Variants in TBCK observed in about 807,000 individuals in gnomAD.
TBCK encodes TBC domain-containing protein kinase-like protein.
TBCK carries 99 observed loss-of-function variants against 113.4 expected under a neutral mutation model. The ratio of observed to expected loss-of-function variants is 0.87; its 90% CI spans 0.74 to 1.03. The LOEUF is 1.03. TBCK is among the 50% of genes least tolerant of loss of function. TBCK has a pLI of 0.00. For missense variants in TBCK, 1,045 were observed against 1,061.3 expected, an observed-to-expected ratio of 0.98 and a Z score of 0.21; for synonymous variants, 369 against 370.8, an observed-to-expected ratio of 1.00 and a Z score of 0.05.
At chr4:106,238,789 C>T (rs1759753543) in intron 12 of TBCK, 2 of 152,084 alleles carry the variant, frequency 1.3e-5, no homozygotes, top group Admixed American at 1.3e-4. Context: ...CTGGAGGGAC[C>T]CTCGAATACA....
At chr4:106,119,162 A>G (rs1191184935) in intron 23 of TBCK, among the ~76,000 whole-genome samples, 1 of 152,204 alleles carries the variant, frequency 6.6e-6, no homozygotes, top group Admixed American at 6.5e-5. Context: ...AGTATTATAG[A>G]TATTGTGTGT....
chr4:106,214,142 C>A (rs1051480942), intron 19 of TBCK, among the ~76,000 whole-genome samples: 20 of 151,536 alleles, frequency 1.3e-4, no homozygotes. Context: ...CTCCAACAGA[C>A]CTGCAGCTGA....
chr4:106,050,718 G>C (rs1367678288), intron 25 of TBCK, among the ~76,000 whole-genome samples: 1 of 152,012 alleles, frequency 6.6e-6, no homozygotes, highest in African/African-American at 2.4e-5. Flanking sequence ...GAGAGAATGG[G>C]GGTCTTCAAA....
In TBCK at chr4:106,043,158, C is replaced by T. The variant is rs1733959797; in HGVS notation, c.*3412G>A. 1 of 152,090 alleles carries T rather than the reference C, an allele frequency of 6.6e-6. No individual in the cohort carries two copies. Among genetic ancestry groups the T allele is most frequent in the Non-Finnish European group, 1.5e-5 (1 of 68,018 alleles). The allele number at this position is 152,090 out of a possible 1,614,324, so 9.4% of individuals were successfully genotyped here. Reference sequence around the variant, plus strand: ...CATCAAAAAACTTCTTTCTTTCAAACTTGGTTAAGCATTAGTTATTTTTAA... The same window carrying T: ...CATCAAAAAACTTCTTTCTTTCAAATTTGGTTAAGCATTAGTTATTTTTAA... On this transcript the variant is annotated 3_prime_UTR_variant, in exon 26 of 26. Coordinates refer to ENST00000394708, the MANE Select transcript of TBCK (RefSeq NM_001163435.3).
At chr4:106,210,559 T>C (rs1478443098) in intron 20 of TBCK, among the ~76,000 whole-genome samples, 1 of 152,192 alleles carries the variant, frequency 6.6e-6, no homozygotes, top group Non-Finnish European at 1.5e-5. Context: ...TCCCTCTAAA[T>C]AATGCTAAAA....
intron 1 of TBCK, among the ~76,000 whole-genome samples, chr4:106,312,863 G>A (rs1768346386): frequency 6.6e-6 from 1 of 152,134 alleles, no homozygotes; most frequent in Non-Finnish European, 1.5e-5. Context: ...TGTAATTCCA[G>A]AACTATAGTT....
chr4:106,092,215 G>C (rs1191571458), intron 25 of TBCK, among the ~76,000 whole-genome samples: 1 of 152,186 alleles, frequency 6.6e-6, no homozygotes, highest in Non-Finnish European at 1.5e-5. Context: ...ACAGGGTGCT[G>C]ACTGGTATGT....
chr4:106,066,364 A>G (rs1736636467), intron 25 of TBCK, among the ~76,000 whole-genome samples: 1 of 151,996 alleles, frequency 6.6e-6, no homozygotes, highest in African/African-American at 2.4e-5. Flanking sequence ...AAAAAAACCC[A>G]AAATACCTTC....
chr4:106,158,633 C>G (rs1749394500), intron 23 of TBCK, among the ~76,000 whole-genome samples: 1 of 151,966 alleles, frequency 6.6e-6, no homozygotes, highest in Non-Finnish European at 1.5e-5. Flanking sequence ...AGATCTAGTA[C>G]TAGCAGGGAA....
rs185394730 is a variant in TBCK, at chr4:106,116,116, T to A, written c.2411+87A>T. The A allele has an allele frequency of 1.6e-5, 21 of 1,319,212 alleles. No homozygotes were observed. The East Asian group carries it at 4.2e-4, about 27-fold the overall frequency. 81.7% of individuals were successfully genotyped at this position (1,319,212 alleles called of 1,614,324 possible). On this transcript the variant is annotated intron_variant, in intron 24 of 25. Transcript: ENST00000394708. The stretch of plus-strand genomic sequence containing the variant: ...TGAATTCAGAAGAATCCCAGAATTT[T>A]TTTTTTTTAACCACACAACACTTAA...
At chr4:106,244,083 C>T (rs77908683) in intron 11 of TBCK, among the ~76,000 whole-genome samples, 6,566 of 152,030 alleles carry the variant, frequency 0.043, 225 homozygotes, top group Non-Finnish European at 0.067. Flanking sequence ...CAATCTTAGC[C>T]CCAAGGCTGT....
chr4:106,194,676 T>C (rs1754016543), intron 21 of TBCK, 42 bp downstream of exon 21: 4 of 1,531,264 alleles, frequency 2.6e-6, no homozygotes, highest in Non-Finnish European at 3.6e-6. Context: ...GCTGTCCTTT[T>C]GCTAATACAA....
intron 3 of TBCK, among the ~76,000 whole-genome samples, chr4:106,270,519 C>T (rs1334540238): frequency 6.6e-6 from 1 of 152,088 alleles, no homozygotes; most frequent in Non-Finnish European, 1.5e-5. Context: ...CTTATCATGG[C>T]ATATAGTGGG....
chr4:106,115,546 T>G (rs1056151479), intron 24 of TBCK, among the ~76,000 whole-genome samples: 1 of 152,196 alleles, frequency 6.6e-6, no homozygotes, highest in Non-Finnish European at 1.5e-5. Flanking sequence ...TAAGAAAGAT[T>G]TTAAAAGTTG....
intron 23 of TBCK, among the ~76,000 whole-genome samples, chr4:106,126,594 T>C (rs1309461051): frequency 6.6e-6 from 1 of 152,104 alleles, no homozygotes; most frequent in Non-Finnish European, 1.5e-5. Context: ...TATTTGTATC[T>C]CGAAAAGCTA....
At chr4:106,226,644 T>C (rs913897219) in intron 19 of TBCK, among the ~76,000 whole-genome samples, 5 of 152,226 alleles carry the variant, frequency 3.3e-5, no homozygotes, top group African/African-American at 9.6e-5. Flanking sequence ...TTTCTTTTTA[T>C]ACGGCACAAA....
chr4:106,255,327 T>G (rs1197377589), intron 5 of TBCK, among the ~76,000 whole-genome samples: 4 of 152,252 alleles, frequency 2.6e-5, no homozygotes, highest in African/African-American at 9.6e-5. Flanking sequence ...ACTGGCAGGC[T>G]GTGCTCAGCT....
At chr4:106,216,944 T>C (rs1447161573) in intron 19 of TBCK, among the ~76,000 whole-genome samples, 6 of 152,156 alleles carry the variant, frequency 3.9e-5, no homozygotes, top group Non-Finnish European at 7.3e-5. Context: ...ATATCCTTGA[T>C]GAACATTGAT....
chr4:106,176,229 T>C (rs1343333814), intron 22 of TBCK, among the ~76,000 whole-genome samples: 1 of 152,098 alleles, frequency 6.6e-6, no homozygotes, highest in African/African-American at 2.4e-5. Flanking sequence ...TTGTTAACTA[T>C]AGTCATCCTA....
Sources: gnomAD v4.1 joint callset for allele counts (sites outside exome capture counted in the v4.1 genomes callset) on GRCh38, gnomAD v4.1.1 for gene constraint, MANE v1.5 for transcripts, NCBI Gene and HGNC (gene_info 2026-07-23, HGNC 2026-07-21) for gene names.